SZT2: variants seen among roughly 807,000 people sequenced by gnomAD.
SZT2 encodes SZT2 subunit of KICSTOR complex, also known as KICSTOR complex protein SZT2.
SZT2 carries 216 observed loss-of-function variants against 404.2 expected under a neutral mutation model. That is an observed-to-expected ratio of 0.53 (90% CI 0.48 to 0.60). SZT2 has a LOEUF of 0.60. Ranked by LOEUF, SZT2 falls within the 20% of genes least tolerant of loss-of-function variation. The probability of loss-of-function intolerance (pLI) is 0.00; values close to 1 mark genes in which losing one functional copy is unlikely to be tolerated. For synonymous variants in SZT2, 1,693 were observed against 1,749.9 expected (o/e 0.97, Z 0.81); for missense variants, 3,857 against 4,459.2 (o/e 0.86, Z 3.85).
At position 43,441,614 on chromosome 1, in the gene SZT2, C is replaced by T; in HGVS notation, c.7609+13C>T. On this transcript the variant is annotated intron_variant, in intron 54 of 71. Transcript: ENST00000634258. The surrounding 1 kb of genome is among the most constrained non-coding windows in gnomAD (Gnocchi z 4.8). ...ATGGTTCAGATTGGTGAGACCCCAGCCTCCCCTCCCATCCCTCAACCCCAG... is the reference window on the plus strand; with the variant it reads ...ATGGTTCAGATTGGTGAGACCCCAGTCTCCCCTCCCATCCCTCAACCCCAG... 6.2e-7 allele frequency: 1 copy of T among 1,613,848 alleles called. No individual in the cohort carries two copies. The highest frequency in any genetic ancestry group is 1.3e-5 in the African/African-American group (1 of 75,004).
In SZT2 at chr1:43,443,562, G is replaced by A. The variant is rs186568898; in HGVS notation, c.8626-35G>A. 3.7e-5 allele frequency: 60 copies of A among 1,613,746 alleles called. No individual in the cohort carries two copies. In the African/African-American group the frequency reaches 6.0e-4, roughly 16 times the overall value. On this transcript the variant is annotated intron_variant, in intron 61 of 71. Transcript: ENST00000634258. ...TCCATCCCCAGCAGGATGGTTGACAGTGGGGAGAGTCTTCCTTGATCTTTA... is the reference window on the plus strand; with the variant it reads ...TCCATCCCCAGCAGGATGGTTGACAATGGGGAGAGTCTTCCTTGATCTTTA...
At chr1:43,408,109 G>A (rs1650557378) in intron 4 of SZT2, among the ~76,000 whole-genome samples, 1 of 152,126 alleles carries the variant, frequency 6.6e-6, no homozygotes. Flanking sequence ...TGGGATTACA[G>A]GCGTGAGCCA....
rs1459949615 is a variant in SZT2 at position 43,453,348 on chromosome 1, A to G, written c.*2868A>G. ...GACTCCCTGAACCTGCATCAGGGTCATGGGTCACAGGGGTGGGGGTGGGGT... is the reference window on the plus strand; with the variant it reads ...GACTCCCTGAACCTGCATCAGGGTCGTGGGTCACAGGGGTGGGGGTGGGGT... On this transcript the variant is annotated 3_prime_UTR_variant, in exon 72 of 72. Transcript: ENST00000634258. The G allele has an allele frequency of 6.6e-6, 7 of 1,066,186 alleles. No individual in the cohort carries two copies. Among genetic ancestry groups the G allele is most frequent in the African/African-American group, 2.1e-5 (1 of 48,140 alleles). 66.0% of individuals were successfully genotyped at this position (1,066,186 alleles called of 1,614,324 possible).
chr1:43,401,242 C>T (rs191165318), intron 1 of SZT2, among the ~76,000 whole-genome samples: 144 of 152,314 alleles, frequency 9.5e-4, no homozygotes, highest in Non-Finnish European at 1.8e-3. Flanking sequence ...TTAACTTTTA[C>T]TCTTACCAGG....
intron 1 of SZT2, among the ~76,000 whole-genome samples, chr1:43,398,827 A>G (rs1324364347): frequency 6.6e-6 from 1 of 152,156 alleles, no homozygotes; most frequent in African/African-American, 2.4e-5. Context: ...CACGCCTGTA[A>G]TCCCAGCACT....
chr1:43,441,955 A>G lies in SZT2; in HGVS notation c.7743-45A>G, dbSNP rs759970259. On this transcript the variant is annotated intron_variant, in intron 55 of 71. Coordinates refer to ENST00000634258, the MANE Select transcript of SZT2 (RefSeq NM_001365999.1). The surrounding 1 kb of genome is among the most constrained non-coding windows in gnomAD (Gnocchi z 4.8). ...CAGGGAGGTGAAGGCTAGGCCAGGG[A>G]GTGGTGTCATGGATGGCCTTTCTGT... is the stretch of plus-strand genomic sequence containing the variant. The G allele has an allele frequency of 3.1e-6, 5 of 1,595,564 alleles. No individual in the cohort carries two copies. Among genetic ancestry groups the G allele is most frequent in the Non-Finnish European group, 3.4e-6 (4 of 1,168,366 alleles).
At position 43,422,548 on chromosome 1, in the gene SZT2, C is replaced by T; in HGVS notation, c.1838C>T (p.Ser613Phe). 1 of 1,598,198 alleles carries T rather than the reference C, an allele frequency of 6.3e-7. No homozygotes were observed. The highest frequency in any genetic ancestry group is 8.5e-7 in the Non-Finnish European group (1 of 1,179,718). Reference protein sequence around the residue: ...GRYSTIQCRISHSSLTSLLRD... With the variant: ...GRYSTIQCRIFHSSLTSLLRD... ...TACAGCACTATCCAGTGCAGGATCT[C>T]CCACTCCTCCCTGACCTCTCTGCTG... Residue 613 changes from serine to phenylalanine, a missense_variant, in exon 13 of 72, where the codon TCC becomes TTC. Physicochemically the swap from Ser to Phe is radical, Grantham distance 155. Coordinates refer to ENST00000634258, the MANE Select transcript of SZT2 (RefSeq NM_001365999.1).
At chr1:43,444,974 T>C (rs1655504237) in intron 62 of SZT2, among the ~76,000 whole-genome samples, 1 of 152,142 alleles carries the variant, frequency 6.6e-6, no homozygotes, top group Non-Finnish European at 1.5e-5. Context: ...TTTCCCTCTC[T>C]TCCAGGCATT....
rs1319422110 is a variant in SZT2 at position 43,446,231 on chromosome 1, G to A, written c.8969G>A (p.Gly2990Asp). The A allele has an allele frequency of 1.2e-6, 2 of 1,614,238 alleles. No individual in the cohort carries two copies. The highest frequency in any genetic ancestry group is 2.7e-5 in the African/African-American group (2 of 75,064). ...CACCTGCAGCGGGCACTGCCTGGGG[G>A]CATCATCCTCATGGAACTGGCATTC... ...TYHLQRALPG[G>D]IILMELAFQG... The change falls in exon 64 of 72, where the codon GGC (glycine) becomes GAC (aspartate). Residue 2990 changes from glycine (G) to aspartate (D), a missense_variant. This residue lies in a region of SZT2 where 717 missense variants were observed against 868.2 expected (regional missense o/e 0.83). Transcript: ENST00000634258.
At chr1:43,417,475 GT>G (rs955441024) in intron 7 of SZT2, among the ~76,000 whole-genome samples, 34 of 152,186 alleles carry the variant, frequency 2.2e-4, no homozygotes, top group African/African-American at 8.0e-4. Context: ...GTTTGTGTAT[GT>G]TGTGTTCGAG....
chr1:43,439,112 C>T lies in SZT2; in HGVS notation c.6792+19C>T, dbSNP rs1167589679. On this transcript the variant is annotated intron_variant, in intron 48 of 71. Coordinates refer to ENST00000634258, the MANE Select transcript of SZT2 (RefSeq NM_001365999.1). The surrounding 1 kb of genome is among the most constrained non-coding windows in gnomAD (Gnocchi z 4.2). ...CTTCCAAGTGAGATGGCACTCATCT[C>T]TCTCCACACTCATGTGCACCCCTGC... is the stretch of plus-strand genomic sequence containing the variant. 2 of 1,613,936 alleles carry T rather than the reference C, an allele frequency of 1.2e-6. No individual in the cohort carries two copies. Among genetic ancestry groups the T allele is most frequent in the African/African-American group, 1.3e-5 (1 of 75,072 alleles).
chr1:43,414,425 A>T (rs72671121), intron 4 of SZT2, among the ~76,000 whole-genome samples: 46,271 of 151,270 alleles, frequency 0.31, 7,746 homozygotes, highest in Middle Eastern at 0.39. Flanking sequence ...AAAAATTTTT[A>T]AAAAAAAATT....
chr1:43,448,758 G>A lies in SZT2; in HGVS notation c.10086+30G>A. 2 of 1,594,192 alleles carry A rather than the reference G, an allele frequency of 1.3e-6. No individual in the cohort carries two copies. The highest frequency in any genetic ancestry group is 1.1e-5 in the South Asian group (1 of 90,684). ...GTCCCCTTGAGCTTCCTCTGAAAAG[G>A]GAAACACAGCAGAAATCCTCACCAA... is the stretch of plus-strand genomic sequence containing the variant. On this transcript the variant is annotated intron_variant, in intron 70 of 71. Coordinates refer to ENST00000634258, the MANE Select transcript of SZT2 (RefSeq NM_001365999.1). This position sits in a 1 kb window ranked among gnomAD's most constrained non-coding sequence, Gnocchi z 4.2.
At position 43,422,563 on chromosome 1, in the gene SZT2, C is replaced by CCT. The variant is rs1033312402; in HGVS notation, c.1858_1859dup (p.Leu621CysfsTer10). 1 of 1,598,080 alleles carries CCT rather than the reference C, an allele frequency of 6.3e-7. No homozygotes were observed. Among genetic ancestry groups the CCT allele is most frequent in the Non-Finnish European group, 8.5e-7 (1 of 1,179,732 alleles). On this transcript the variant is annotated frameshift_variant, in exon 13 of 72. Transcript: ENST00000634258. LOFTEE classifies it high-confidence loss of function. ...TGCAGGATCTCCCACTCCTCCCTGA[C>CCT]CTCTCTGCTGCGGGACTGGAGCAGC...
rs974608344 is a variant in SZT2, at chr1:43,452,936, A to G, written c.*2456A>G. On this transcript the variant is annotated 3_prime_UTR_variant, in exon 72 of 72. Coordinates refer to ENST00000634258, the MANE Select transcript of SZT2 (RefSeq NM_001365999.1). ...CCTCAGGAACGCTGCCAAATACACCAGGCCTCCTCTTGCCACAGCACCCTT... is the reference window on the plus strand; with the variant it reads ...CCTCAGGAACGCTGCCAAATACACCGGGCCTCCTCTTGCCACAGCACCCTT... 2 of 1,608,684 alleles carry G rather than the reference A, an allele frequency of 1.2e-6. No homozygotes were observed. Among genetic ancestry groups the G allele is most frequent in the Non-Finnish European group, 1.7e-6 (2 of 1,178,296 alleles).
rs777231799 is a variant in SZT2 at position 43,428,387 on chromosome 1, C to T, written c.4067C>T (p.Ala1356Val). 4.3e-6 allele frequency: 7 copies of T among 1,614,098 alleles called. No homozygotes were observed. In the African/African-American group the frequency reaches 5.3e-5, roughly 12 times the overall value. The change falls in exon 28 of 72, where the codon GCA becomes GTA. Residue 1356 changes from alanine (A) to valine (V), a missense_variant. By Grantham distance (64) the Ala-to-Val change is moderately conservative (BLOSUM62 0). Coordinates refer to ENST00000634258, the MANE Select transcript of SZT2 (RefSeq NM_001365999.1). The part of the protein sequence containing the change: ...LCGHTWGLPH[A>V]PPSPGPLSPG... ...GGCCACACTTGGGGTTTGCCTCATG[C>T]ACCCCCAAGTCCTGGTCCTCTCAGC...
chr1:43,447,289 C>G (rs988689268), intron 66 of SZT2, 121 bp downstream of exon 66: 6 of 1,185,102 alleles, frequency 5.1e-6, no homozygotes, highest in Non-Finnish European at 5.9e-6. Flanking sequence ...CATCTCATGT[C>G]ACACATACCA....
chr1:43,442,477 G>C lies in SZT2; in HGVS notation c.8010G>C (p.Leu2670=). Residue 2670 remains leucine (L), a synonymous_variant, in exon 58 of 72, where the codon CTG becomes CTC. Coordinates refer to ENST00000634258, the MANE Select transcript of SZT2 (RefSeq NM_001365999.1). This position sits in a 1 kb window ranked among gnomAD's most constrained non-coding sequence, Gnocchi z 4.5. The part of the protein sequence containing the change: ...QLLTYNWAPD[L]GAALGRALVR... Reference sequence around the variant, plus strand: ...TGACCTACAACTGGGCTCCAGACCTGGGGGCAGCATTGGGCCGAGCGCTGG... The same window carrying C: ...TGACCTACAACTGGGCTCCAGACCTCGGGGCAGCATTGGGCCGAGCGCTGG... The C allele has an allele frequency of 6.2e-7, 1 of 1,613,928 alleles. No individual in the cohort carries two copies. Among genetic ancestry groups the C allele is most frequent in the African/African-American group, 1.3e-5 (1 of 75,052 alleles).
intron 4 of SZT2, chr1:43,409,357 C>T (rs1166788170): frequency 1.2e-5 from 3 of 255,260 alleles, no homozygotes; most frequent in South Asian, 1.1e-4. Flanking sequence ...AAGGAAGGAG[C>T]ATTCATTAGG....
Sources: gnomAD v4.1 joint callset for allele counts (sites outside exome capture counted in the v4.1 genomes callset) on GRCh38, gnomAD v4.1.1 for gene constraint, gnomAD v4.1.1 regional missense constraint, Gnocchi (gnomAD v3.1) non-coding constraint, MANE v1.5 for transcripts, NCBI Gene and HGNC (gene_info 2026-07-23, HGNC 2026-07-21) for gene names.